CDC42SE2: variants seen among roughly 807,000 people sequenced by gnomAD.
CDC42SE2 encodes CDC42 small effector 2.
CDC42SE2 carries 3 observed loss-of-function variants against 11.5 expected under a neutral mutation model. The ratio of observed to expected loss-of-function variants is 0.26; its 90% CI spans 0.12 to 0.67. The LOEUF (loss-of-function observed/expected upper bound fraction) is 0.67. CDC42SE2 is among the 30% of genes least tolerant of loss of function. CDC42SE2 has a pLI of 0.80. For missense variants in CDC42SE2, 82 were observed against 106.8 expected, an observed-to-expected ratio of 0.77 and a Z score of 1.02; for synonymous variants, 33 against 34.8, an observed-to-expected ratio of 0.95 and a Z score of 0.18.
chr5:131,390,960 A>C (rs1406156283), intron 4 of CDC42SE2, 33 bp from the exon 5 acceptor site: 1 of 1,477,728 alleles, frequency 6.8e-7, no homozygotes, highest in East Asian at 2.3e-5. Flanking sequence ...CCTGACTTCC[A>C]TTTTGTTTTG....
intron 2 of CDC42SE2, among the ~76,000 whole-genome samples, chr5:131,321,572 A>G (rs970882766): frequency 6.6e-6 from 1 of 152,194 alleles, no homozygotes; most frequent in African/African-American, 2.4e-5. Flanking sequence ...ATGCTACATA[A>G]AAATATTTCA....
intron 2 of CDC42SE2, among the ~76,000 whole-genome samples, chr5:131,327,440 T>TA (rs1758321582): frequency 6.6e-6 from 1 of 152,188 alleles, no homozygotes; most frequent in African/African-American, 2.4e-5. Context: ...GTACCTCCTA[T>TA]ATTTCTTTTT....
At chr5:131,316,723 T>G (rs1758046571) in intron 2 of CDC42SE2, among the ~76,000 whole-genome samples, 1 of 152,196 alleles carries the variant, frequency 6.6e-6, no homozygotes, top group South Asian at 2.1e-4. Context: ...GTGCCTTATG[T>G]GAAGGAGGGA....
At chr5:131,270,726 T>C (rs1447116141) in intron 1 of CDC42SE2, among the ~76,000 whole-genome samples, 1 of 152,230 alleles carries the variant, frequency 6.6e-6, no homozygotes, top group Non-Finnish European at 1.5e-5. Flanking sequence ...TTGTCAATAA[T>C]AGTTTTATTT....
intron 1 of CDC42SE2, among the ~76,000 whole-genome samples, chr5:131,273,050 A>T (rs1433456827): frequency 2.0e-5 from 3 of 151,878 alleles, no homozygotes; most frequent in Non-Finnish European, 2.9e-5. Flanking sequence ...TGTTTCAGGG[A>T]CATATGTTTA....
At chr5:131,216,754 C>T in the CDC42SE2 span, among the ~76,000 whole-genome samples, 1 of 152,098 alleles carries the variant, frequency 6.6e-6, no homozygotes, top group African/African-American at 2.4e-5. Context: ...AATAAAATGA[C>T]CTGGGTGTGG....
chr5:131,227,544 T>G, the CDC42SE2 span, among the ~76,000 whole-genome samples: 1 of 152,258 alleles, frequency 6.6e-6, no homozygotes, highest in Non-Finnish European at 1.5e-5. Flanking sequence ...TGAGTGGATT[T>G]GTTTTATAAA....
At chr5:131,362,613 AC>A (rs1749740529) in intron 3 of CDC42SE2, among the ~76,000 whole-genome samples, 2 of 152,112 alleles carry the variant, frequency 1.3e-5, no homozygotes, top group Non-Finnish European at 2.9e-5. Flanking sequence ...AAAAGGAACA[AC>A]CCAATATTGG....
chr5:131,234,582 G>A, the CDC42SE2 span, among the ~76,000 whole-genome samples: 1 of 151,352 alleles, frequency 6.6e-6, no homozygotes, highest in South Asian at 2.1e-4. Context: ...GTTGCAGTGT[G>A]CCAAGATCGT....
intron 1 of CDC42SE2, among the ~76,000 whole-genome samples, chr5:131,306,576 CT>C (rs1408627243): frequency 9.2e-5 from 14 of 151,894 alleles, no homozygotes; most frequent in African/African-American, 2.9e-4. Context: ...TGTTTGACGT[CT>C]TTTGTGGTTT....
chr5:131,240,854 G>T (rs1756534785), upstream of CDC42SE2, among the ~76,000 whole-genome samples: 1 of 152,166 alleles, frequency 6.6e-6, no homozygotes, highest in South Asian at 2.1e-4. Context: ...TTCATTTTTG[G>T]TTTCATTGCT....
At chr5:131,311,637 C>T (rs562619726) in intron 1 of CDC42SE2, among the ~76,000 whole-genome samples, 19 of 152,228 alleles carry the variant, frequency 1.2e-4, no homozygotes, top group Non-Finnish European at 2.4e-4. Context: ...AGACTTTGCT[C>T]GTTTCTTTTT....
Position 131,359,379 on chromosome 5 carries a change from A to G in CDC42SE2, c.-115A>G. 2.5e-6 allele frequency: 2 copies of G among 809,446 alleles called. No individual in the cohort carries two copies. Among genetic ancestry groups the G allele is most frequent in the South Asian group, 2.8e-5 (2 of 71,814 alleles). 50.1% of individuals were successfully genotyped at this position (809,446 alleles called of 1,614,324 possible). On this transcript the variant is annotated 5_prime_UTR_variant, in exon 3 of 5. Transcript: ENST00000505065. Reference sequence around the variant, plus strand: ...CCAGGAACAAAAACACGGTGAAATAATAAAATTTCATCTTGGCATCACTGG... The same window carrying G: ...CCAGGAACAAAAACACGGTGAAATAGTAAAATTTCATCTTGGCATCACTGG...
the CDC42SE2 span, among the ~76,000 whole-genome samples, chr5:131,234,957 C>T: frequency 2.7e-5 from 4 of 147,550 alleles, no homozygotes; most frequent in South Asian, 4.2e-4. Flanking sequence ...GGCACGATCT[C>T]GACTCACTGC....
the CDC42SE2 span, among the ~76,000 whole-genome samples, chr5:131,231,206 TCTC>T: frequency 3.3e-5 from 5 of 152,292 alleles, no homozygotes; most frequent in Non-Finnish European, 2.9e-5. Flanking sequence ...TTTTTAAAAA[TCTC>T]CTATAAAACA....
At chr5:131,267,007 A>G (rs1230114488) in intron 1 of CDC42SE2, among the ~76,000 whole-genome samples, 1 of 142,406 alleles carries the variant, frequency 7.0e-6, no homozygotes, top group African/African-American at 2.6e-5. Context: ...ATTCTTGACA[A>G]TCAGCAGCTG....
chr5:131,337,733 T>C lies in CDC42SE2; in HGVS notation c.-285-21476T>C, dbSNP rs370145486. ...TGATCTCAGACTGCTGTGCTAGCAA[T>C]GAGCGAGGCTCCGTGAGGGTAGGAC... On this transcript the variant is annotated intron_variant, in intron 2 of 4. Transcript: ENST00000505065. Among the ~76,000 whole-genome samples the C allele has an allele frequency of 2.6e-5, 4 of 152,348 alleles. No homozygotes were observed. In the East Asian group the frequency reaches 7.7e-4, roughly 29 times the overall value.
At chr5:131,332,117 C>A (rs1289707656) in intron 2 of CDC42SE2, among the ~76,000 whole-genome samples, 1 of 152,168 alleles carries the variant, frequency 6.6e-6, no homozygotes, top group African/African-American at 2.4e-5. Context: ...TCCCTCCCCA[C>A]TCCCCCCACT....
At chr5:131,338,792 C>G (rs997824126) in intron 2 of CDC42SE2, among the ~76,000 whole-genome samples, 2 of 152,078 alleles carry the variant, frequency 1.3e-5, no homozygotes, top group African/African-American at 4.8e-5. Flanking sequence ...ACCATACTGC[C>G]GATCCAAATA....
Sources: allele counts gnomAD v4.1 joint callset (sites outside exome capture counted in the v4.1 genomes callset), GRCh38; gene constraint gnomAD v4.1.1; transcripts MANE v1.5; gene names NCBI Gene and HGNC (gene_info 2026-07-23, HGNC 2026-07-21).